Variants in RBFOX1 observed in about 807,000 individuals in gnomAD.
The protein encoded by RBFOX1 is RNA binding fox-1 homolog 1.
A neutral mutation model predicts 57.7 loss-of-function variants in RBFOX1; 8 were observed. That is an observed-to-expected ratio of 0.14 (90% CI 0.08 to 0.25). The LOEUF (loss-of-function observed/expected upper bound fraction) is 0.25, where lower values mean the gene tolerates loss of function less well. RBFOX1 is among the 10% of genes least tolerant of loss of function. RBFOX1 has a pLI of 1.00. For synonymous variants in RBFOX1, 326 were observed against 222.4 expected (o/e 1.47, Z -4.15); for missense variants, 611 against 548.5 (o/e 1.11, Z -1.14).
intron 2 of RBFOX1, among the ~76,000 whole-genome samples, chr16:6,602,554 C>T (rs565200564): frequency 1.3e-5 from 2 of 152,212 alleles, no homozygotes; most frequent in South Asian, 2.1e-4. Flanking sequence ...AGGCCACCTG[C>T]AGGACAGGGT....
At chr16:5,596,678 G>C (rs989818797) in intron 2 of RBFOX1, among the ~76,000 whole-genome samples, 2 of 152,228 alleles carry the variant, frequency 1.3e-5, no homozygotes, top group African/African-American at 4.8e-5. Flanking sequence ...CGTTGATCAA[G>C]TGCAGTTTTT....
chr16:5,648,129 G>C (rs949968420), intron 3 of RBFOX1, among the ~76,000 whole-genome samples: 4 of 152,114 alleles, frequency 2.6e-5, no homozygotes, highest in East Asian at 1.9e-4. Flanking sequence ...CAGAGTGCTG[G>C]GATCACAGGC....
chr16:7,352,499 G>A (rs911830854), intron 4 of RBFOX1, among the ~76,000 whole-genome samples: 1 of 152,054 alleles, frequency 6.6e-6, no homozygotes, highest in Non-Finnish European at 1.5e-5. Flanking sequence ...ACCACTAAAC[G>A]CTTACTCCGG....
chr16:5,812,974 C>G (rs1176750797), intron 3 of RBFOX1, among the ~76,000 whole-genome samples: 1 of 149,910 alleles, frequency 6.7e-6, no homozygotes, highest in Non-Finnish European at 1.5e-5. Flanking sequence ...TATTGTGATA[C>G]ATATACATAA....
intron 1 of RBFOX1, among the ~76,000 whole-genome samples, chr16:6,047,064 G>C (rs1201960208): frequency 1.3e-5 from 2 of 152,188 alleles, no homozygotes; most frequent in Non-Finnish European, 2.9e-5. Flanking sequence ...TATATTCTCG[G>C]ACCCAAGGAA....
At chr16:6,660,093 C>A (rs985536867) in intron 3 of RBFOX1, among the ~76,000 whole-genome samples, 1 of 151,826 alleles carries the variant, frequency 6.6e-6, no homozygotes, top group African/African-American at 2.4e-5. Context: ...GGTGTGGTGG[C>A]ACACGCCTGT....
intron 3 of RBFOX1, among the ~76,000 whole-genome samples, chr16:6,868,017 C>T (rs1246720437): frequency 1.3e-5 from 2 of 152,142 alleles, no homozygotes; most frequent in East Asian, 1.9e-4. Context: ...AACTACTATA[C>T]TTCAGTTAAC....
rs187210444 is a variant in RBFOX1 at position 6,602,677 on chromosome 16, T to A, written c.-63-51926T>A. Among the ~76,000 whole-genome samples, 219 of 152,350 alleles carry A rather than the reference T, an allele frequency of 1.4e-3. 1 individual carries two copies. Among genetic ancestry groups the A allele is most frequent in the African/African-American group, 4.9e-3 (204 of 41,590 alleles). ...AGGTACTCACTGATGCATGGACAGC[T>A]CATATGTTCATCTGTGAACTATGTC... is the stretch of plus-strand genomic sequence containing the variant. On this transcript the variant is annotated intron_variant, in intron 2 of 15. Transcript: ENST00000550418.
intron 4 of RBFOX1, among the ~76,000 whole-genome samples, chr16:7,199,822 G>A (rs2087820071): frequency 6.6e-6 from 1 of 152,110 alleles, no homozygotes; most frequent in South Asian, 2.1e-4. Flanking sequence ...TTGAACCCAG[G>A]AGGTGGAGGT....
chr16:6,681,052 CA>C (rs1322574619), intron 3 of RBFOX1, among the ~76,000 whole-genome samples: 1 of 152,124 alleles, frequency 6.6e-6, no homozygotes, highest in Non-Finnish European at 1.5e-5. Context: ...GGCTCACACC[CA>C]TAATGCCAGT....
intron 2 of RBFOX1, among the ~76,000 whole-genome samples, chr16:6,347,301 A>T (rs1210294593): frequency 6.6e-6 from 1 of 152,178 alleles, no homozygotes; most frequent in African/African-American, 2.4e-5. Flanking sequence ...CACCATCATC[A>T]TCATTGTCTC....
At chr16:6,806,836 A>ATATATATATTTTTTT (rs754342591) in intron 3 of RBFOX1, among the ~76,000 whole-genome samples, 4 of 91,904 alleles carry the variant, frequency 4.4e-5, no homozygotes, top group African/African-American at 1.6e-4. Context: ...ATATATATAT[A>ATATATATATTTTTTT]TTTTTTTTTT....
chr16:7,418,619 C>T (rs2098507678), intron 4 of RBFOX1, among the ~76,000 whole-genome samples: 1 of 152,178 alleles, frequency 6.6e-6, no homozygotes, highest in African/African-American at 2.4e-5. Flanking sequence ...TGTTCGTTGC[C>T]ACAGAGTATT....
intron 3 of RBFOX1, among the ~76,000 whole-genome samples, chr16:6,896,101 C>A (rs191379342): frequency 6.6e-6 from 1 of 152,156 alleles, no homozygotes; most frequent in Non-Finnish European, 1.5e-5. Context: ...GGTGAAACCC[C>A]ATCTCTATTA....
chr16:5,312,525 C>T (rs927347363), intron 1 of RBFOX1, among the ~76,000 whole-genome samples: 24 of 152,122 alleles, frequency 1.6e-4, no homozygotes, highest in African/African-American at 5.8e-4. Flanking sequence ...CCATCTTGGC[C>T]AGGCTGGTCT....
At chr16:6,009,796 G>A (rs1373969486) in intron 4 of RBFOX1, among the ~76,000 whole-genome samples, 4 of 144,714 alleles carry the variant, frequency 2.8e-5, no homozygotes, top group African/African-American at 1.1e-4. Flanking sequence ...ATGGGGCAGT[G>A]TGTGTATGTG....
intron 3 of RBFOX1, among the ~76,000 whole-genome samples, chr16:6,752,485 C>T (rs895119032): frequency 1.3e-5 from 2 of 152,190 alleles, no homozygotes; most frequent in African/African-American, 2.4e-5. Flanking sequence ...GTCGCTGGAC[C>T]TTGCTATGTG....
chr16:7,532,274 C>G (rs1411717082), intron 5 of RBFOX1, among the ~76,000 whole-genome samples: 1 of 151,832 alleles, frequency 6.6e-6, no homozygotes, highest in Non-Finnish European at 1.5e-5. Context: ...GCCTGGGGTT[C>G]CAGGCGGTGA....
chr16:5,608,951 T>C (rs1468497398), intron 3 of RBFOX1, among the ~76,000 whole-genome samples: 1 of 152,222 alleles, frequency 6.6e-6, no homozygotes, highest in Non-Finnish European at 1.5e-5. Context: ...ATGGTCAGAC[T>C]CCTTTCTTCC....
Sources: gnomAD v4.1 joint callset for allele counts (sites outside exome capture counted in the v4.1 genomes callset) on GRCh38, gnomAD v4.1.1 for gene constraint, MANE v1.5 for transcripts, NCBI Gene and HGNC (gene_info 2026-07-23, HGNC 2026-07-21) for gene names.